Variants in SIRT1 observed in about 807,000 individuals in gnomAD.
SIRT1 encodes sirtuin 1.
SIRT1 carries 24 observed loss-of-function variants against 67.9 expected under a neutral mutation model. The observed-to-expected ratio is 0.35, with a 90% CI of 0.26 to 0.50. SIRT1 has a LOEUF of 0.50. Ranked by LOEUF, SIRT1 falls within the 20% of genes least tolerant of loss-of-function variation. The probability of loss-of-function intolerance (pLI) is 0.98; values close to 1 mark genes in which losing one functional copy is unlikely to be tolerated. For missense variants in SIRT1, 873 were observed against 937.2 expected (o/e 0.93, Z 0.89); for synonymous variants, 378 against 350.7 (o/e 1.08, Z -0.87).
chr10:67,909,416 A>G lies in SIRT1; in HGVS notation c.1331A>G (p.Lys444Arg), dbSNP rs756329197. 1 of 1,610,370 alleles carries G rather than the reference A, an allele frequency of 6.2e-7. No homozygotes were observed. Among genetic ancestry groups the G allele is most frequent in the African/African-American group, 1.3e-5 (1 of 74,852 alleles). The stretch of plus-strand genomic sequence containing the variant: ...CTCATTGTTATTGGGTCTTCCCTCA[A>G]AGTAAGACCAGTAGCACTAATTCCA... ...DLLIVIGSSL[K>R]VRPVALIPSS... The change falls in exon 7 of 9, where the codon AAA (lysine) becomes AGA (arginine). Residue 444 changes from lysine (K) to arginine (R), a missense_variant. Around this residue, in one of 3 missense-constraint regions of SIRT1, gnomAD observed 251 missense variants for 358.8 expected, o/e 0.70. Transcript: ENST00000212015.
intron 1 of SIRT1, among the ~76,000 whole-genome samples, chr10:67,886,725 T>G (rs985347621): frequency 6.6e-6 from 1 of 152,152 alleles, no homozygotes; most frequent in Non-Finnish European, 1.5e-5. Flanking sequence ...CTTGTAGTAT[T>G]GTGTAAGTTT....
chr10:67,900,091 A>C (rs1471842787), intron 4 of SIRT1, among the ~76,000 whole-genome samples: 2 of 152,142 alleles, frequency 1.3e-5, no homozygotes, highest in East Asian at 3.9e-4. Flanking sequence ...CTCAAAAATA[A>C]ATACAATTTT....
At chr10:67,894,056 C>T (rs1031563168) in intron 4 of SIRT1, among the ~76,000 whole-genome samples, 6 of 152,172 alleles carry the variant, frequency 3.9e-5, no homozygotes, top group Non-Finnish European at 8.8e-5. Context: ...AGGAAGATCT[C>T]TTGAACTCCG....
intron 4 of SIRT1, among the ~76,000 whole-genome samples, chr10:67,893,341 C>T (rs1842603283): frequency 6.6e-6 from 1 of 152,060 alleles, no homozygotes; most frequent in African/African-American, 2.4e-5. Context: ...TGTTCCCCAC[C>T]CTGTGTCCAT....
chr10:67,891,250 A>G, intron 3 of SIRT1, 152 bp from the exon 4 acceptor site: 1 of 547,690 alleles, frequency 1.8e-6, no homozygotes, highest in Non-Finnish European at 3.1e-6. Flanking sequence ...TTATTTCTGA[A>G]ATAAGGGTAG....
chr10:67,916,366 A>G lies in SIRT1; in HGVS notation c.2017A>G (p.Ser673Gly), dbSNP rs377449611. The change falls in exon 9 of 9, where the codon AGT (serine) becomes GGT (glycine). Residue 673 changes from serine to glycine, a missense_variant. By Grantham distance (56) the Ser-to-Gly change is moderately conservative. This residue lies in a region of SIRT1 where 295 missense variants were observed against 294.5 expected (regional missense o/e 1.00). Coordinates refer to ENST00000212015, the MANE Select transcript of SIRT1 (RefSeq NM_012238.5). The stretch of plus-strand genomic sequence containing the variant: ...CGTCTTATCCTCTAGTTCTTGTGGC[A>G]GTAACAGTGATAGTGGGACATGCCA... Reference protein sequence around the residue: ...DDVLSSSSCGSNSDSGTCQSP... With the variant: ...DDVLSSSSCGGNSDSGTCQSP... 1.7e-5 allele frequency: 28 copies of G among 1,614,090 alleles called. 1 individual carries two copies. The highest frequency in any genetic ancestry group is 2.2e-5 in the Non-Finnish European group (26 of 1,180,040).
At chr10:67,895,676 G>T (rs1250216694) in intron 4 of SIRT1, among the ~76,000 whole-genome samples, 1 of 139,440 alleles carries the variant, frequency 7.2e-6, no homozygotes, top group Non-Finnish European at 1.5e-5. Flanking sequence ...TTTTTGGAAA[G>T]AATTTCTATA....
In SIRT1 at chr10:67,906,930, G is replaced by C. The variant is rs1235876376; in HGVS notation, c.1083G>C (p.Gln361His). 5 of 1,598,284 alleles carry C rather than the reference G, an allele frequency of 3.1e-6. No individual in the cohort carries two copies. Among genetic ancestry groups the C allele is most frequent in the Non-Finnish European group, 8.5e-7 (1 of 1,174,724 alleles). Residue 361 changes from glutamine to histidine, a missense_variant, in exon 5 of 9, where the codon CAG (glutamine) becomes CAC (histidine). Gln to His is a conservative substitution (Grantham distance 24). Transcript: ENST00000212015. ...EQVAGIQRII[Q>H]CHGSFATASC... ...TTGCGGGAATCCAAAGGATAATTCA[G>C]TGTCATGGTTAGTAAACTTCAGAGT...
At chr10:67,909,990 G>C (rs374936546) in intron 7 of SIRT1, among the ~76,000 whole-genome samples, 19 of 152,238 alleles carry the variant, frequency 1.2e-4, no homozygotes, top group African/African-American at 4.3e-4. Flanking sequence ...AGGATTACAG[G>C]CACGAGCCTC....
intron 8 of SIRT1, among the ~76,000 whole-genome samples, chr10:67,915,602 TCA>T (rs765795770): frequency 3.3e-5 from 5 of 152,218 alleles, no homozygotes; most frequent in Non-Finnish European, 5.9e-5. Context: ...TACTGTAGAT[TCA>T]CAGTGTCTAC....
At chr10:67,893,681 A>T (rs1485661224) in intron 4 of SIRT1, among the ~76,000 whole-genome samples, 1 of 151,456 alleles carries the variant, frequency 6.6e-6, no homozygotes, top group Non-Finnish European at 1.5e-5. Context: ...AGTTGTTGGG[A>T]CTACAGGCGC....
At chr10:67,898,946 A>T (rs996643517) in intron 4 of SIRT1, among the ~76,000 whole-genome samples, 1 of 152,156 alleles carries the variant, frequency 6.6e-6, no homozygotes, top group African/African-American at 2.4e-5. Context: ...ATGGTTATTT[A>T]TGAAGTGGTG....
At chr10:67,916,207 G>A in intron 8 of SIRT1, 58 bp from the exon 9 acceptor site, 1 of 1,442,850 alleles carries the variant, frequency 6.9e-7, no homozygotes, top group Non-Finnish European at 9.5e-7. Context: ...ATTCCAGACT[G>A]CTCAGACTGA....
intron 8 of SIRT1, among the ~76,000 whole-genome samples, chr10:67,913,669 G>A (rs913974327): frequency 1.3e-5 from 2 of 152,082 alleles, no homozygotes; most frequent in African/African-American, 4.8e-5. Flanking sequence ...TCTACTCTTT[G>A]GAAGCCGATG....
At chr10:67,904,154 TCTCA>T (rs1277237596) in intron 4 of SIRT1, among the ~76,000 whole-genome samples, 1 of 146,870 alleles carries the variant, frequency 6.8e-6, no homozygotes, top group Non-Finnish European at 1.5e-5. Context: ...TTTTAAAGGC[TCTCA>T]CTCTGTCACC....
rs1445186073 is a variant in SIRT1 at position 67,916,720 on chromosome 10, T to C, written c.*127T>C. Reference sequence around the variant, plus strand: ...GAAAGGTGTAATATTTATAGGTTGGTAAAATAGATTGTTTTTCATGGATAA... The same window carrying C: ...GAAAGGTGTAATATTTATAGGTTGGCAAAATAGATTGTTTTTCATGGATAA... On this transcript the variant is annotated 3_prime_UTR_variant, in exon 9 of 9. Coordinates refer to ENST00000212015, the MANE Select transcript of SIRT1 (RefSeq NM_012238.5). 1.3e-5 allele frequency: 8 copies of C among 622,250 alleles called. No individual in the cohort carries two copies. Among genetic ancestry groups the C allele is most frequent in the Non-Finnish European group, 2.0e-5 (8 of 393,374 alleles). 38.5% of individuals were successfully genotyped at this position (622,250 alleles called of 1,614,324 possible).
At chr10:67,902,978 C>G (rs1167796994) in intron 4 of SIRT1, among the ~76,000 whole-genome samples, 4 of 152,104 alleles carry the variant, frequency 2.6e-5, no homozygotes, top group African/African-American at 9.7e-5. Flanking sequence ...GTAGTCCCAG[C>G]TCCTTGGGAG....
At chr10:67,886,210 G>T (rs991787738) in intron 1 of SIRT1, among the ~76,000 whole-genome samples, 1 of 151,658 alleles carries the variant, frequency 6.6e-6, no homozygotes, top group Non-Finnish European at 1.5e-5. Context: ...CAAAGTGCTG[G>T]GATTACAGGC....
chr10:67,911,275 C>T lies in SIRT1; in HGVS notation c.1358-1199C>T, dbSNP rs1041552067. Reference sequence around the variant, plus strand: ...GTGGTGCAGTTTCAGCTCACTGCAGCCTTCAACTCCTGGGGACAAGCAGTC... The same window carrying T: ...GTGGTGCAGTTTCAGCTCACTGCAGTCTTCAACTCCTGGGGACAAGCAGTC... On this transcript the variant is annotated intron_variant, in intron 7 of 8. Coordinates refer to ENST00000212015, the MANE Select transcript of SIRT1 (RefSeq NM_012238.5). Among the ~76,000 whole-genome samples, 11 of 152,214 alleles carry T rather than the reference C, an allele frequency of 7.2e-5. 1 individual carries two copies. The highest frequency in any genetic ancestry group is 6.5e-4 in the Admixed American group (10 of 15,276).
Sources: gnomAD v4.1 joint callset for allele counts (sites outside exome capture counted in the v4.1 genomes callset) on GRCh38, gnomAD v4.1.1 for gene constraint, gnomAD v4.1.1 regional missense constraint, MANE v1.5 for transcripts, NCBI Gene and HGNC (gene_info 2026-07-23, HGNC 2026-07-21) for gene names.